The following TUT7 variants were observed in gnomAD, a reference collection of about 807,000 sequenced individuals.
TUT7 encodes the protein terminal uridylyl transferase 7, also known as terminal uridylyltransferase 7.
Under a neutral mutation model 165.9 loss-of-function variants are expected in TUT7, and 33 were observed. The observed-to-expected ratio is 0.20, with a 90% CI of 0.15 to 0.27. TUT7 has a LOEUF of 0.27. TUT7 is among the 10% of genes least tolerant of loss of function. The pLI is 1.00. For synonymous variants in TUT7, 552 were observed against 608.1 expected, an observed-to-expected ratio of 0.91 and a Z score of 1.36; for missense variants, 1,338 against 1,762.3, an observed-to-expected ratio of 0.76 and a Z score of 4.31.
chr9:86,294,097 ACT>A (rs1010407071), intron 26 of TUT7, among the ~76,000 whole-genome samples: 1 of 151,894 alleles, frequency 6.6e-6, no homozygotes, highest in African/African-American at 2.4e-5. Context: ...TTCCATGTGT[ACT>A]CTTTCTTAAA....
At chr9:86,295,590 T>G (rs1365352812) in intron 26 of TUT7, among the ~76,000 whole-genome samples, 1 of 152,190 alleles carries the variant, frequency 6.6e-6, no homozygotes, top group Admixed American at 6.5e-5. Context: ...ACAAGAATGA[T>G]CTATATTCAC....
At chr9:86,346,986 A>G (rs993500306) in intron 2 of TUT7, among the ~76,000 whole-genome samples, 1 of 152,224 alleles carries the variant, frequency 6.6e-6, no homozygotes, top group Non-Finnish European at 1.5e-5. Context: ...TGGACAACTC[A>G]GAAATCAACT....
Position 86,353,123 on chromosome 9 carries a change from C to T in TUT7, c.77G>A (p.Arg26Lys). Reference sequence around the variant, plus strand: ...TAAATAATCTTGTTGGGGGTGACCCCTTCTGAAGTCATCATCATCCATAGT... The same window carrying T: ...TAAATAATCTTGTTGGGGGTGACCCTTTCTGAAGTCATCATCATCCATAGT... ...RGTMDDDDFR[R>K]GHPQQDYLII... is the part of the protein sequence containing the mutation. The change falls in exon 2 of 27, where the codon AGG becomes AAG. Residue 26 changes from arginine (R) to lysine (K), a missense_variant. By Grantham distance (26) the Arg-to-Lys change is conservative. Around this residue, in one of 7 missense-constraint regions of TUT7, gnomAD observed 434 missense variants for 480.8 expected, o/e 0.90. Coordinates refer to ENST00000375963, the MANE Select transcript of TUT7 (RefSeq NM_024617.4). 2 of 1,612,428 alleles carry T rather than the reference C, an allele frequency of 1.2e-6. No homozygotes were observed. The highest frequency in any genetic ancestry group is 1.7e-6 in the Non-Finnish European group (2 of 1,179,686).
At chr9:86,317,662 A>C (rs1828851665) in intron 16 of TUT7, among the ~76,000 whole-genome samples, 1 of 152,220 alleles carries the variant, frequency 6.6e-6, no homozygotes, top group South Asian at 2.1e-4. Context: ...CAGCTCATTC[A>C]TTCTAAGCAG....
chr9:86,305,024 G>C, intron 23 of TUT7, 77 bp from the exon 24 acceptor site: 1 of 1,220,152 alleles, frequency 8.2e-7, no homozygotes, highest in Non-Finnish European at 1.2e-6. Flanking sequence ...AACTACCTGG[G>C]CCTGGTGGCG....
chr9:86,295,624 A>G (rs1204255937), intron 26 of TUT7, among the ~76,000 whole-genome samples: 3 of 152,150 alleles, frequency 2.0e-5, no homozygotes, highest in Non-Finnish European at 4.4e-5. Flanking sequence ...TCCCCATACT[A>G]TTTTAAAAAG....
Position 86,323,275 on chromosome 9 carries a change from G to A in TUT7, c.2475C>T (p.Asp825=). The A allele has an allele frequency of 6.2e-7, 1 of 1,614,158 alleles. No homozygotes were observed. The highest frequency in any genetic ancestry group is 2.2e-5 in the East Asian group (1 of 44,878). The part of the protein sequence containing the change: ...ESTEGTEELE[D]SLNHFTHSVQ... ...CTGAGTGGGTAAAGTGGTTTAGAGA[G>A]TCTTCTAGTTCCTCAGTACCTTCTG... Residue 825 remains aspartate, a synonymous_variant, in exon 13 of 27, where the codon GAC becomes GAT. Coordinates refer to ENST00000375963, the MANE Select transcript of TUT7 (RefSeq NM_024617.4).
intron 22 of TUT7, 102 bp downstream of exon 22, chr9:86,308,327 C>T: frequency 9.3e-7 from 1 of 1,070,004 alleles, no homozygotes; most frequent in Non-Finnish European, 1.3e-6. Context: ...TGGGGCACTG[C>T]ACACCCCAAG....
intron 9 of TUT7, among the ~76,000 whole-genome samples, 181 bp from the exon 10 acceptor site, chr9:86,337,719 T>C (rs560874641): frequency 6.6e-6 from 1 of 152,242 alleles, no homozygotes; most frequent in East Asian, 1.9e-4. Flanking sequence ...CCACATATTG[T>C]GGTTTTAAGT....
chr9:86,288,518 C>T lies in TUT7; in HGVS notation c.*159G>A. 2.0e-6 allele frequency: 1 copy of T among 491,942 alleles called. No individual in the cohort carries two copies. The highest frequency in any genetic ancestry group is 3.6e-6 in the Non-Finnish European group (1 of 280,466). The allele number at this position is 491,942 out of a possible 1,614,324, so 30.5% of individuals were successfully genotyped here. On this transcript the variant is annotated 3_prime_UTR_variant, in exon 27 of 27. Transcript: ENST00000375963. ...GATAAGACTATATTAAAAATTTTTC[C>T]TCATTAACAATTTCATTAAATTAAA...
chr9:86,288,596 T>C lies in TUT7; in HGVS notation c.*81A>G, dbSNP rs1825691407. The C allele has an allele frequency of 2.8e-6, 3 of 1,060,668 alleles. No homozygotes were observed. The South Asian group carries it at 3.9e-5, about 14-fold the overall frequency. The allele number at this position is 1,060,668 out of a possible 1,614,324, so 65.7% of individuals were successfully genotyped here. ...TAAGTTGAAGCCTGATCTACACTGC[T>C]GTGTCCTGTGAAATGAACCTAATTT... On this transcript the variant is annotated 3_prime_UTR_variant, in exon 27 of 27. Transcript: ENST00000375963.
At chr9:86,339,979 T>C (rs980627560) in intron 8 of TUT7, 57 bp downstream of exon 8, 2 of 1,323,740 alleles carry the variant, frequency 1.5e-6, no homozygotes, top group East Asian at 2.3e-5. Flanking sequence ...TGTAGTAAAG[T>C]ACTTGTGCTT....
At position 86,303,180 on chromosome 9, in the gene TUT7, C is replaced by T. The variant is rs1827107134; in HGVS notation, c.4000G>A (p.Val1334Met). The T allele has an allele frequency of 6.2e-7, 1 of 1,600,402 alleles. No individual in the cohort carries two copies. Among genetic ancestry groups the T allele is most frequent in the African/African-American group, 1.3e-5 (1 of 74,206 alleles). ...SKMEYFFDPD[V>M]LTEGELAPND... ...GGGGCCAGCTCTCCTTCAGTTAACACATCTGGATCAAAAAAGTATTCCTAG... is the reference window on the plus strand; with the variant it reads ...GGGGCCAGCTCTCCTTCAGTTAACATATCTGGATCAAAAAAGTATTCCTAG... Residue 1334 changes from valine to methionine, a missense_variant, in exon 25 of 27, where the codon GTG becomes ATG. Val to Met is a conservative substitution (Grantham distance 21). Transcript: ENST00000375963.
intron 10 of TUT7, among the ~76,000 whole-genome samples, chr9:86,334,957 T>G (rs896560916): frequency 6.6e-6 from 1 of 152,188 alleles, no homozygotes; most frequent in African/African-American, 2.4e-5. Flanking sequence ...ACTGTTTGCA[T>G]TTGTTCAGTC....
chr9:86,325,782 G>T (rs142436686), intron 11 of TUT7, among the ~76,000 whole-genome samples: 16 of 152,296 alleles, frequency 1.1e-4, no homozygotes, highest in African/African-American at 3.8e-4. Flanking sequence ...ACCAGACAGA[G>T]CTCCTAATTT....
At chr9:86,295,853 T>G (rs1826268423) in intron 26 of TUT7, among the ~76,000 whole-genome samples, 1 of 152,084 alleles carries the variant, frequency 6.6e-6, no homozygotes, top group Admixed American at 6.5e-5. Flanking sequence ...GTAGTTTTTT[T>G]TTTGTTTTTT....
intron 10 of TUT7, 40 bp from the exon 11 acceptor site, chr9:86,328,532 A>G: frequency 6.5e-7 from 1 of 1,532,190 alleles, no homozygotes; most frequent in Admixed American, 2.0e-5. Context: ...AGATAGAAAT[A>G]ATCTTATATC....
Position 86,349,892 on chromosome 9 carries a change from C to T in TUT7, c.520+2788G>A, listed in dbSNP as rs144371519. On this transcript the variant is annotated intron_variant, in intron 2 of 26. Transcript: ENST00000375963. ...ATAAAAAAATAGCAAAATGCATTTC[C>T]TATTCAAATACACTTAAAAGCAACT... 2.2e-4 allele frequency among the ~76,000 whole-genome samples: 34 copies of T among 152,236 alleles called. No homozygotes were observed. The East Asian group carries it at 6.2e-3, about 28-fold the overall frequency.
At chr9:86,298,290 AG>A (rs1311208867) in intron 26 of TUT7, among the ~76,000 whole-genome samples, 1 of 152,152 alleles carries the variant, frequency 6.6e-6, no homozygotes, top group Non-Finnish European at 1.5e-5. Context: ...TTCAGTGTTG[AG>A]GCTGGTGTCC....
Sources: allele counts gnomAD v4.1 joint callset (sites outside exome capture counted in the v4.1 genomes callset), GRCh38; gene constraint gnomAD v4.1.1; regional missense constraint gnomAD v4.1.1; transcripts MANE v1.5; gene names NCBI Gene and HGNC (gene_info 2026-07-23, HGNC 2026-07-21).